The following PEX7 variants were observed in gnomAD, a reference collection of about 807,000 sequenced individuals.
PEX7 encodes the protein PTS2 receptor.
Under a neutral mutation model 47.5 loss-of-function variants are expected in PEX7, and 34 were observed. The ratio of observed to expected loss-of-function variants is 0.72; its 90% confidence interval spans 0.54 to 0.95. PEX7 has a LOEUF of 0.95. Ranked by LOEUF, PEX7 falls within the 40% of genes least tolerant of loss-of-function variation. The pLI, the probability that PEX7 is intolerant of heterozygous loss-of-function variation, is 0.00. For synonymous variants in PEX7, 141 were observed against 148.8 expected, an observed-to-expected ratio of 0.95 and a Z score of 0.38; for missense variants, 394 against 400.3, an observed-to-expected ratio of 0.98 and a Z score of 0.13.
chr6:136,865,350 G>A lies in PEX7; in HGVS notation c.527-1277G>A, dbSNP rs931855945. Among the ~76,000 whole-genome samples the A allele has an allele frequency of 3.3e-5, 5 of 152,174 alleles. No individual in the cohort carries two copies. The East Asian group carries it at 9.6e-4, about 29-fold the overall frequency. On this transcript the variant is annotated intron_variant, in intron 5 of 9. Coordinates refer to ENST00000318471, the MANE Select transcript of PEX7 (RefSeq NM_000288.4). ...TTTCACTCTTGTTGTCTGGGTTGGA[G>A]TGCAGTGGCACAATCTCGGCTCACT...
intron 8 of PEX7, among the ~76,000 whole-genome samples, chr6:136,873,457 A>G (rs1775215739): frequency 6.6e-6 from 1 of 152,180 alleles, no homozygotes; most frequent in Non-Finnish European, 1.5e-5. Flanking sequence ...ATTCCCATCC[A>G]TAAGGAATAT....
chr6:136,886,596 CAT>C, intron 8 of PEX7, among the ~76,000 whole-genome samples: 1 of 152,236 alleles, frequency 6.6e-6, no homozygotes, highest in Non-Finnish European at 1.5e-5. Flanking sequence ...ACGTTAATAA[CAT>C]AATTATATTG....
chr6:136,903,829 C>CT (rs60978784), intron 9 of PEX7, among the ~76,000 whole-genome samples: 215 of 139,386 alleles, frequency 1.5e-3, no homozygotes, highest in Middle Eastern at 3.8e-3. Flanking sequence ...CAGGTGTGCA[C>CT]TTTTTTTTTT....
chr6:136,890,986 T>G (rs750999583), intron 8 of PEX7, among the ~76,000 whole-genome samples: 9 of 152,244 alleles, frequency 5.9e-5, no homozygotes, highest in Non-Finnish European at 1.2e-4. Context: ...AGTCAAGCAT[T>G]TATTTGAAGC....
intron 5 of PEX7, among the ~76,000 whole-genome samples, chr6:136,853,059 G>T (rs1168528931): frequency 6.6e-6 from 1 of 151,252 alleles, no homozygotes; most frequent in African/African-American, 2.4e-5. Context: ...AAGCAATGGG[G>T]AAAGGATTCC....
intron 3 of PEX7, among the ~76,000 whole-genome samples, chr6:136,827,839 G>T (rs971699338): frequency 1.3e-5 from 2 of 151,858 alleles, no homozygotes; most frequent in Non-Finnish European, 2.9e-5. Context: ...GCCAATTTTT[G>T]TGTGTGTGTG....
At chr6:136,829,892 G>A (rs191097223) in intron 3 of PEX7, 22 of 647,610 alleles carry the variant, frequency 3.4e-5, no homozygotes, top group Admixed American at 2.5e-5. Flanking sequence ...AGCTGAGTTC[G>A]TGCCATTGCA....
At chr6:136,888,855 T>C (rs981383928) in intron 8 of PEX7, among the ~76,000 whole-genome samples, 3 of 152,120 alleles carry the variant, frequency 2.0e-5, no homozygotes, top group Non-Finnish European at 4.4e-5. Context: ...CAATTTAAAG[T>C]AGAAAGTCCT....
intron 8 of PEX7, among the ~76,000 whole-genome samples, chr6:136,890,307 G>A (rs1775532418): frequency 6.6e-6 from 1 of 152,156 alleles, no homozygotes; most frequent in Admixed American, 6.5e-5. Flanking sequence ...TCCTTAGATA[G>A]CTTAAATATA....
chr6:136,895,157 A>G (rs887823310), intron 8 of PEX7, among the ~76,000 whole-genome samples: 8 of 152,200 alleles, frequency 5.3e-5, no homozygotes, highest in Non-Finnish European at 1.2e-4. Context: ...GAACTTCAAT[A>G]GAGATACATA....
At chr6:136,859,651 A>G (rs1582753057) in intron 5 of PEX7, among the ~76,000 whole-genome samples, 1 of 152,244 alleles carries the variant, frequency 6.6e-6, no homozygotes, top group East Asian at 1.9e-4. Flanking sequence ...CTCCTTATGC[A>G]ACTTCCTCGT....
intron 8 of PEX7, among the ~76,000 whole-genome samples, chr6:136,883,548 T>C (rs1253576326): frequency 1.3e-5 from 2 of 152,216 alleles, no homozygotes; most frequent in African/African-American, 4.8e-5. Context: ...CCCTTCCTTC[T>C]TAGGGTTCAT....
chr6:136,826,336 G>A lies in PEX7; in HGVS notation c.206G>A (p.Gly69Asp), dbSNP rs1487368608. The change falls in exon 3 of 10, where the codon GGT (glycine) becomes GAT (aspartate). Residue 69 changes from glycine to aspartate, a missense_variant. Coordinates refer to ENST00000318471, the MANE Select transcript of PEX7 (RefSeq NM_000288.4). The stretch of plus-strand genomic sequence containing the variant: ...TAGTGTAGCTTTGACTGGAATGATG[G>A]TTTGTTTGATGTGACTTGGAGTGAG... ...RLFRSFDWND[G>D]LFDVTWSENN... is the part of the protein sequence containing the mutation. 3.7e-6 allele frequency: 6 copies of A among 1,613,972 alleles called. No homozygotes were observed. In the South Asian group the frequency reaches 6.6e-5, roughly 18 times the overall value.
intron 5 of PEX7, among the ~76,000 whole-genome samples, chr6:136,850,917 G>GTTTT (rs35220728): frequency 2.9e-4 from 20 of 69,180 alleles, no homozygotes; most frequent in Non-Finnish European, 4.2e-4. Flanking sequence ...AAAACTGATG[G>GTTTT]TTTTTTTTTT....
intron 5 of PEX7, among the ~76,000 whole-genome samples, chr6:136,850,036 C>G (rs1288427985): frequency 1.3e-5 from 2 of 151,948 alleles, no homozygotes; most frequent in Non-Finnish European, 2.9e-5. Flanking sequence ...TCTGGGTGCT[C>G]CTGTATTGGG....
At chr6:136,911,283 A>G (rs1023882100) in intron 9 of PEX7, among the ~76,000 whole-genome samples, 2 of 152,102 alleles carry the variant, frequency 1.3e-5, no homozygotes, top group African/African-American at 4.8e-5. Flanking sequence ...CTGGCCTCTT[A>G]CCTGTGAGCT....
chr6:136,884,786 C>T (rs895962620), intron 8 of PEX7, among the ~76,000 whole-genome samples: 2 of 152,080 alleles, frequency 1.3e-5, no homozygotes, highest in Admixed American at 6.6e-5. Context: ...TAAATAAAAA[C>T]TTCAACTTTT....
At chr6:136,837,375 A>AAAAAAAAAAAAAAAAAAAAAAT in intron 3 of PEX7, among the ~76,000 whole-genome samples, 1 of 151,360 alleles carries the variant, frequency 6.6e-6, no homozygotes, top group African/African-American at 2.4e-5. Context: ...AAAAAAAAAA[A>AAAAAAAAAAAAAAAAAAAAAAT]GAAACTGAAA....
At chr6:136,881,245 A>G (rs927279677) in intron 8 of PEX7, among the ~76,000 whole-genome samples, 2 of 152,162 alleles carry the variant, frequency 1.3e-5, no homozygotes, top group African/African-American at 4.8e-5. Flanking sequence ...AGAGCATGCA[A>G]TAGTCACAGA....
Sources: allele counts gnomAD v4.1 joint callset (sites outside exome capture counted in the v4.1 genomes callset), GRCh38; gene constraint gnomAD v4.1.1; transcripts MANE v1.5; gene names NCBI Gene and HGNC (gene_info 2026-07-23, HGNC 2026-07-21).